The following TMEM51 variants were observed in gnomAD, a reference collection of about 807,000 sequenced individuals.
TMEM51 encodes the protein chromosome 1 open reading frame 72.
Under a neutral mutation model 13.6 loss-of-function variants are expected in TMEM51, and 8 were observed. That is an observed-to-expected ratio of 0.59 (90% CI 0.35 to 1.07). The LOEUF (loss-of-function observed/expected upper bound fraction) is 1.07, where lower values mean the gene tolerates loss of function less well. Among genes scored for constraint, TMEM51 ranks in the 50% least tolerant of loss-of-function variants. The probability of loss-of-function intolerance (pLI) is 0.02; values close to 1 mark genes in which losing one functional copy is unlikely to be tolerated. For synonymous variants in TMEM51, 147 were observed against 144.4 expected (o/e 1.02, Z -0.13); for missense variants, 279 against 330.7 (o/e 0.84, Z 1.21).
At position 15,207,229 on chromosome 1, in the gene TMEM51, G is replaced by A. The variant is rs1275867138; in HGVS notation, c.-266-3261G>A. 5.9e-5 allele frequency among the ~76,000 whole-genome samples: 9 copies of A among 152,118 alleles called. No homozygotes were observed. Among genetic ancestry groups the A allele is most frequent in the Admixed American group, 1.3e-4 (2 of 15,272 alleles). On this transcript the variant is annotated intron_variant, in intron 1 of 3. Transcript: ENST00000376008. The surrounding 1 kb of genome is among the most constrained non-coding windows in gnomAD (Gnocchi z 4.6). ...GTTGGTAGCACCGCCAGCCGCCTCC[G>A]ACTGGCAAGACCTCCTCCCACTAAA...
At chr1:15,171,264 A>C in intron 1 of TMEM51, 1 of 1,304,226 alleles carries the variant, frequency 7.7e-7, no homozygotes. Context: ...TGCAGGTCAG[A>C]GTGGATGACG....
chr1:15,210,995 C>T (rs946627515), intron 2 of TMEM51, among the ~76,000 whole-genome samples: 23 of 152,288 alleles, frequency 1.5e-4, no homozygotes, highest in African/African-American at 5.1e-4. Context: ...CCGTTGCACA[C>T]ATAACCCTGC....
intron 1 of TMEM51, among the ~76,000 whole-genome samples, chr1:15,158,768 G>A (rs183191654): frequency 2.6e-5 from 4 of 152,156 alleles, no homozygotes; most frequent in African/African-American, 9.7e-5. Flanking sequence ...GGAAGTACTC[G>A]TATCTTGGGG....
chr1:15,188,171 C>T (rs769681000), intron 1 of TMEM51, among the ~76,000 whole-genome samples: 9 of 152,202 alleles, frequency 5.9e-5, no homozygotes, highest in African/African-American at 1.4e-4. Context: ...CCTCGGCTCG[C>T]GTTAGCTCCC....
Position 15,214,916 on chromosome 1 carries a change from G to A in TMEM51, c.-172G>A, listed in dbSNP as rs3753315. 102,846 of 641,238 alleles carry A rather than the reference G, an allele frequency of 0.16. 9,289 individuals are homozygous for A. Among genetic ancestry groups the A allele is most frequent in the East Asian group, 0.31 (11,330 of 36,048 alleles). 39.7% of individuals were successfully genotyped at this position (641,238 alleles called of 1,614,324 possible). A position where few individuals can be genotyped will look rare whatever the true frequency, so the allele number is the denominator to read the frequency against. On this transcript the variant is annotated 5_prime_UTR_variant, in exon 3 of 4. Coordinates refer to ENST00000376008, the MANE Select transcript of TMEM51 (RefSeq NM_001136218.2). Reference sequence around the variant, plus strand: ...CCAGGCCCTTCCACCGCAGCCATCCGCACGGGAGGCCTCGCGATTGCTCGG... The same window carrying A: ...CCAGGCCCTTCCACCGCAGCCATCCACACGGGAGGCCTCGCGATTGCTCGG...
intron 1 of TMEM51, among the ~76,000 whole-genome samples, chr1:15,173,963 C>G (rs1643377541): frequency 1.3e-5 from 2 of 152,196 alleles, no homozygotes; most frequent in African/African-American, 4.8e-5. Context: ...AGGCAGTGCT[C>G]CGGGGCCAGG....
intron 1 of TMEM51, among the ~76,000 whole-genome samples, chr1:15,159,275 T>C (rs1168317897): frequency 6.6e-6 from 1 of 152,222 alleles, no homozygotes; most frequent in Non-Finnish European, 1.5e-5. Context: ...GGGCCTTTGC[T>C]GCAGGGGAGG....
At chr1:15,170,584 A>C (rs1643226201) in intron 1 of TMEM51, among the ~76,000 whole-genome samples, 1 of 152,090 alleles carries the variant, frequency 6.6e-6, no homozygotes, top group Non-Finnish European at 1.5e-5. Context: ...TGCTGGGATT[A>C]TAGGCGTGAG....
At chr1:15,166,705 TG>T (rs761168520) in intron 1 of TMEM51, among the ~76,000 whole-genome samples, 18 of 151,868 alleles carry the variant, frequency 1.2e-4, no homozygotes, top group Non-Finnish European at 2.4e-4. Flanking sequence ...GATGACAGAG[TG>T]AGACTCTATC....
At chr1:15,169,391 T>C (rs1313024501) in intron 1 of TMEM51, among the ~76,000 whole-genome samples, 3 of 152,164 alleles carry the variant, frequency 2.0e-5, no homozygotes, top group Non-Finnish European at 4.4e-5. Flanking sequence ...AGACTTTTTT[T>C]TTTTACTTTG....
At chr1:15,212,686 T>C (rs1398669948) in intron 2 of TMEM51, among the ~76,000 whole-genome samples, 1 of 152,220 alleles carries the variant, frequency 6.6e-6, no homozygotes, top group Admixed American at 6.5e-5. Context: ...CCATGAGTGA[T>C]ACTGTAAGAA....
At chr1:15,196,612 G>GC (rs1170322666) in intron 1 of TMEM51, among the ~76,000 whole-genome samples, 3 of 152,064 alleles carry the variant, frequency 2.0e-5, no homozygotes, top group Non-Finnish European at 4.4e-5. Context: ...CTTGAGCCTC[G>GC]CAAAGCACTG....
chr1:15,160,877 C>G (rs913539571), intron 1 of TMEM51, among the ~76,000 whole-genome samples: 1 of 140,450 alleles, frequency 7.1e-6, no homozygotes, highest in African/African-American at 2.6e-5. Flanking sequence ...CCCGATGGAG[C>G]TGATCCCCCA....
chr1:15,188,917 A>T (rs1643864401), intron 1 of TMEM51, among the ~76,000 whole-genome samples: 2 of 152,160 alleles, frequency 1.3e-5, no homozygotes, highest in Non-Finnish European at 2.9e-5. Flanking sequence ...CTGGAGAGAG[A>T]CAGCAGCCAG....
At chr1:15,205,252 G>GTCATCCCCACCTCT (rs1644228562) in intron 1 of TMEM51, among the ~76,000 whole-genome samples, 1 of 152,142 alleles carries the variant, frequency 6.6e-6, no homozygotes, top group Non-Finnish European at 1.5e-5. Context: ...ACACTTACGT[G>GTCATCCCCACCTCT]GATTAGCAAG....
At chr1:15,182,302 ATG>A (rs1364095239) in intron 1 of TMEM51, among the ~76,000 whole-genome samples, 6 of 152,364 alleles carry the variant, frequency 3.9e-5, no homozygotes, top group African/African-American at 1.4e-4. Context: ...GACCTTGAGA[ATG>A]TGTCACTCTT....
chr1:15,215,574 A>G, intron 3 of TMEM51, 143 bp downstream of exon 3: 1 of 790,530 alleles, frequency 1.3e-6, no homozygotes, highest in Non-Finnish European at 1.9e-6. Flanking sequence ...CCTCTGTCAA[A>G]ACGGTTTATC....
chr1:15,168,325 T>G, intron 1 of TMEM51: 3 of 730,354 alleles, frequency 4.1e-6, no homozygotes, highest in Non-Finnish European at 5.7e-6. Flanking sequence ...TTCATCAGAT[T>G]CTCAAAGGGG....
At position 15,215,403 on chromosome 1, in the gene TMEM51, G is replaced by T; in HGVS notation, c.316G>T (p.Ala106Ser). The change falls in exon 3 of 4, where the codon GCT becomes TCT. Residue 106 changes from alanine to serine, a missense_variant. By Grantham distance (99) the Ala-to-Ser change is moderately conservative. Transcript: ENST00000376008. ...GGCCCATGTCCAGCACCCGACAGGC[G>T]CTGGGCCTCACGCCCAGGAGGAAGA... Reference protein sequence around the residue: ...DLAHVQHPTGAGPHAQEEDSQ... With the variant: ...DLAHVQHPTGSGPHAQEEDSQ... 2.5e-6 allele frequency: 4 copies of T among 1,606,964 alleles called. No homozygotes were observed. The highest frequency in any genetic ancestry group is 3.4e-6 in the Non-Finnish European group (4 of 1,177,882).
Sources: gnomAD v4.1 joint callset for allele counts (sites outside exome capture counted in the v4.1 genomes callset) on GRCh38, gnomAD v4.1.1 for gene constraint, Gnocchi (gnomAD v3.1) non-coding constraint, MANE v1.5 for transcripts, NCBI Gene and HGNC (gene_info 2026-07-23, HGNC 2026-07-21) for gene names.